DOCK2: variants seen among roughly 807,000 people sequenced by gnomAD.
DOCK2 encodes the protein dedicator of cytokinesis 2.
In DOCK2, 87 loss-of-function variants were observed where a neutral mutation model predicts 248.9. That is an observed-to-expected ratio of 0.35 (90% confidence interval 0.29 to 0.42). The LOEUF (loss-of-function observed/expected upper bound fraction) is 0.42. Ranked by LOEUF, DOCK2 falls within the 10% of genes least tolerant of loss-of-function variation. The pLI, the probability that DOCK2 is intolerant of heterozygous loss-of-function variation, is 1.00. For missense variants in DOCK2, 1,747 were observed against 2,300.2 expected (o/e 0.76, Z 4.92); for synonymous variants, 805 against 821.6 (o/e 0.98, Z 0.35).
intron 27 of DOCK2, among the ~76,000 whole-genome samples, chr5:169,889,933 G>A (rs975104086): frequency 5.9e-5 from 9 of 152,222 alleles, no homozygotes; most frequent in East Asian, 5.8e-4. Context: ...ACACATTGCC[G>A]TGTCCCTTCT....
intron 1 of DOCK2, among the ~76,000 whole-genome samples, chr5:169,643,896 C>A (rs1489669199): frequency 1.3e-5 from 2 of 152,166 alleles, no homozygotes; most frequent in Non-Finnish European, 2.9e-5. Flanking sequence ...ACATGGTGGG[C>A]TGCAGCAGCA....
intron 27 of DOCK2, among the ~76,000 whole-genome samples, chr5:169,937,669 GTATT>G (rs1255869195): frequency 6.6e-6 from 1 of 152,190 alleles, no homozygotes; most frequent in East Asian, 1.9e-4. Context: ...TGGATAAAGA[GTATT>G]TATTATTATT....
intron 26 of DOCK2, among the ~76,000 whole-genome samples, chr5:169,826,310 C>T (rs1768854970): frequency 6.6e-6 from 1 of 152,128 alleles, no homozygotes. Flanking sequence ...AAGATGATGA[C>T]TGGGCTCAGT....
At chr5:169,828,374 G>T (rs548434105) in intron 26 of DOCK2, among the ~76,000 whole-genome samples, 4 of 152,296 alleles carry the variant, frequency 2.6e-5, no homozygotes, top group African/African-American at 7.2e-5. Context: ...TCTGGCTGAG[G>T]CATAGGCTGC....
Position 169,984,368 on chromosome 5 carries a change from C to T in DOCK2, c.2898+1202C>T, listed in dbSNP as rs557077300. On this transcript the variant is annotated intron_variant, in intron 28 of 51. Coordinates refer to ENST00000520908, the MANE Select transcript of DOCK2 (RefSeq NM_004946.3). ...GTATGAATAATATAACAATACTCAC[C>T]ATCATCATCAACAGGTAATGAGAAT... Among the ~76,000 whole-genome samples the T allele has an allele frequency of 2.0e-4, 31 of 152,276 alleles. 1 individual carries two copies. The South Asian group carries it at 6.2e-3, about 31-fold the overall frequency.
At chr5:169,716,633 G>A (rs1041844769) in intron 20 of DOCK2, among the ~76,000 whole-genome samples, 1 of 152,160 alleles carries the variant, frequency 6.6e-6, no homozygotes, top group African/African-American at 2.4e-5. Context: ...TGGCTAGGTT[G>A]TAAAGCACCA....
chr5:169,783,273 G>T (rs999363509), intron 25 of DOCK2, among the ~76,000 whole-genome samples: 2 of 152,132 alleles, frequency 1.3e-5, no homozygotes, highest in Non-Finnish European at 2.9e-5. Context: ...TCATGATCTT[G>T]ACTTTGGCCC....
At chr5:169,738,074 G>A (rs1763132134) in intron 22 of DOCK2, among the ~76,000 whole-genome samples, 3 of 152,192 alleles carry the variant, frequency 2.0e-5, no homozygotes, top group Non-Finnish European at 2.9e-5. Context: ...CTGAATTAGA[G>A]GACACCAGCT....
At chr5:169,831,847 G>T (rs1450482660) in intron 26 of DOCK2, among the ~76,000 whole-genome samples, 1 of 152,142 alleles carries the variant, frequency 6.6e-6, no homozygotes, top group Non-Finnish European at 1.5e-5. Flanking sequence ...AGGCTCAGAG[G>T]GGCAAGATGT....
Position 169,698,304 on chromosome 5 carries a change from T to C in DOCK2, c.980-70T>C, listed in dbSNP as rs1168134798. On this transcript the variant is annotated intron_variant, in intron 10 of 51. Coordinates refer to ENST00000520908, the MANE Select transcript of DOCK2 (RefSeq NM_004946.3). ...AGGCTCTACCTCCTGTCCCATAAGC[T>C]CATCCCACTGTCATCCCTTATGGGA... is the stretch of plus-strand genomic sequence containing the variant. The C allele has an allele frequency of 4.6e-6, 7 of 1,509,796 alleles. No individual in the cohort carries two copies. In the South Asian group the frequency reaches 6.9e-5, roughly 15 times the overall value. 93.5% of individuals were successfully genotyped at this position (1,509,796 alleles called of 1,614,324 possible).
chr5:169,841,448 G>C, intron 27 of DOCK2: 1 of 985,542 alleles, frequency 1.0e-6, no homozygotes. Context: ...TTTAAACCAA[G>C]GACCCAAAAT....
chr5:170,080,452 C>G, intron 50 of DOCK2, 169 bp downstream of exon 50: 3 of 1,041,630 alleles, frequency 2.9e-6, no homozygotes, highest in Non-Finnish European at 4.0e-6. Flanking sequence ...CCCACACCCA[C>G]CACTTCCTGG....
chr5:169,972,498 C>T (rs1777541550), intron 27 of DOCK2, among the ~76,000 whole-genome samples: 1 of 87,680 alleles, frequency 1.1e-5, no homozygotes, highest in South Asian at 3.6e-4. Flanking sequence ...CAAGGCAATG[C>T]CCTTTGAGGG....
At chr5:169,978,350 C>T (rs993929258) in intron 27 of DOCK2, among the ~76,000 whole-genome samples, 21 of 116,000 alleles carry the variant, frequency 1.8e-4, no homozygotes, top group African/African-American at 5.5e-4. Flanking sequence ...GTTCACATGG[C>T]ACTGCAGGGG....
At chr5:169,903,983 T>C (rs1239279683) in intron 27 of DOCK2, among the ~76,000 whole-genome samples, 2 of 150,188 alleles carry the variant, frequency 1.3e-5, no homozygotes, top group African/African-American at 4.9e-5. Context: ...TCCCAGTTAC[T>C]CGGGAGGGCT....
rs1758074965 is a variant in DOCK2 at position 170,082,654 on chromosome 5, C to A, written c.5431-142C>A. The A allele has an allele frequency of 3.7e-6, 4 of 1,084,758 alleles. No individual in the cohort carries two copies. The Admixed American group carries it at 8.4e-5, about 23-fold the overall frequency. 67.2% of individuals were successfully genotyped at this position (1,084,758 alleles called of 1,614,324 possible). A position where few individuals can be genotyped will look rare whatever the true frequency, so the allele number is the denominator to read the frequency against. ...TCTACCACTGCCTTTCTGGCCAAAGCCAAGGGCATAGCAGCTCACATTCAC... is the reference window on the plus strand; with the variant it reads ...TCTACCACTGCCTTTCTGGCCAAAGACAAGGGCATAGCAGCTCACATTCAC... On this transcript the variant is annotated intron_variant, in intron 51 of 51. Transcript: ENST00000520908.
chr5:169,875,259 A>G lies in DOCK2; in HGVS notation c.2799+34407A>G, dbSNP rs1311985213. ...CTGCAACTGCGGATTCCCATCCTCC[A>G]CCCCACACTCTCTGATTCAGTGGCT... is the stretch of plus-strand genomic sequence containing the variant. On this transcript the variant is annotated intron_variant, in intron 27 of 51. Transcript: ENST00000520908. 6.6e-6 allele frequency: 3 copies of G among 456,494 alleles called. No homozygotes were observed. In the Admixed American group the frequency reaches 7.1e-5, roughly 11 times the overall value. The allele number at this position is 456,494 out of a possible 1,614,324, so 28.3% of individuals were successfully genotyped here.
intron 27 of DOCK2, among the ~76,000 whole-genome samples, chr5:169,877,271 A>G (rs542875946): frequency 7.7e-4 from 118 of 152,328 alleles, no homozygotes; most frequent in African/African-American, 2.8e-3. Context: ...GGGGAGTGAC[A>G]TGGTCAGATT....
intron 40 of DOCK2, among the ~76,000 whole-genome samples, chr5:170,049,156 C>G (rs1756821658): frequency 6.6e-6 from 1 of 152,194 alleles, no homozygotes; most frequent in South Asian, 2.1e-4. Flanking sequence ...GCTCTGTCGC[C>G]CAGGCTGGAG....
Sources: gnomAD v4.1 joint callset for allele counts (sites outside exome capture counted in the v4.1 genomes callset) on GRCh38, gnomAD v4.1.1 for gene constraint, MANE v1.5 for transcripts, NCBI Gene and HGNC (gene_info 2026-07-23, HGNC 2026-07-21) for gene names.